CRACD: variants seen among roughly 807,000 people sequenced by gnomAD.
CRACD encodes the protein capping protein-inhibiting regulator of actin dynamics.
Under a neutral mutation model 106.8 loss-of-function variants are expected in CRACD, and 56 were observed. The observed-to-expected ratio is 0.52, with a 90% CI of 0.42 to 0.66. The LOEUF is 0.66. Ranked by LOEUF, CRACD falls within the 30% of genes least tolerant of loss-of-function variation. CRACD has a pLI of 0.00. For missense variants in CRACD, 1,730 were observed against 1,623.2 expected, an observed-to-expected ratio of 1.07 and a Z score of -1.13; for synonymous variants, 754 against 670.8, an observed-to-expected ratio of 1.12 and a Z score of -1.92.
chr4:56,082,561 T>G (rs1560445722), intron 1 of CRACD, among the ~76,000 whole-genome samples: 2 of 152,118 alleles, frequency 1.3e-5, no homozygotes, highest in Non-Finnish European at 2.9e-5. Context: ...GTGTATGTTT[T>G]GGGTTGATAG....
intron 2 of CRACD, among the ~76,000 whole-genome samples, chr4:56,211,174 G>A (rs1738384004): frequency 6.6e-6 from 1 of 152,158 alleles, no homozygotes; most frequent in African/African-American, 2.4e-5. Context: ...CATTTCTAAA[G>A]CAATTACTGC....
chr4:56,148,714 T>C (rs143573464), intron 1 of CRACD, among the ~76,000 whole-genome samples: 1 of 152,366 alleles, frequency 6.6e-6, no homozygotes, highest in Non-Finnish European at 1.5e-5. Context: ...ATTGTTTCTT[T>C]ATTGTTCAGT....
chr4:56,077,765 C>G (rs1354429752), intron 1 of CRACD, among the ~76,000 whole-genome samples: 1 of 152,176 alleles, frequency 6.6e-6, no homozygotes, highest in Non-Finnish European at 1.5e-5. Flanking sequence ...GGTTTTTACT[C>G]TAATGGGGTG....
At chr4:56,121,650 A>G (rs1426366026) in intron 1 of CRACD, among the ~76,000 whole-genome samples, 2 of 152,168 alleles carry the variant, frequency 1.3e-5, no homozygotes, top group Non-Finnish European at 2.9e-5. Flanking sequence ...TCTTGAAAAA[A>G]AAAGGAATAT....
At chr4:56,296,638 G>T (rs905704225) in intron 3 of CRACD, among the ~76,000 whole-genome samples, 2 of 152,158 alleles carry the variant, frequency 1.3e-5, no homozygotes, top group African/African-American at 4.8e-5. Context: ...TCATGCACTT[G>T]GTCACTGAGA....
chr4:56,307,522 T>C lies in CRACD; in HGVS notation c.121-13T>C, dbSNP rs550945713. On this transcript the variant is annotated splice_polypyrimidine_tract_variant and intron_variant, in intron 4 of 10. Transcript: ENST00000682029. Reference sequence around the variant, plus strand: ...TCACTGCTTCAGAATGTCTTTCTTCTGTTTCTCTCCAGCAACAGTTGGGCA... The same window carrying C: ...TCACTGCTTCAGAATGTCTTTCTTCCGTTTCTCTCCAGCAACAGTTGGGCA... 454 of 1,613,834 alleles carry C rather than the reference T, an allele frequency of 2.8e-4. 3 individuals carry two copies. The South Asian group carries it at 4.7e-3, about 17-fold the overall frequency.
chr4:56,078,536 A>G (rs2109805695), intron 1 of CRACD, among the ~76,000 whole-genome samples: 1 of 152,166 alleles, frequency 6.6e-6, no homozygotes, highest in East Asian at 1.9e-4. Context: ...CCTCCTGAAT[A>G]GATGGCACTA....
chr4:56,155,973 G>GT (rs993652046), intron 1 of CRACD, among the ~76,000 whole-genome samples: 31 of 151,830 alleles, frequency 2.0e-4, no homozygotes, highest in Non-Finnish European at 3.8e-4. Context: ...TATTTATTGA[G>GT]TTTTTTTTGA....
intron 1 of CRACD, among the ~76,000 whole-genome samples, chr4:56,135,151 C>A (rs1037295575): frequency 6.6e-6 from 1 of 151,998 alleles, no homozygotes. Context: ...CCAGGCCTGG[C>A]GGTATGCGCC....
chr4:56,124,827 GA>G (rs2109858247), intron 1 of CRACD, among the ~76,000 whole-genome samples: 1 of 152,276 alleles, frequency 6.6e-6, no homozygotes, highest in South Asian at 2.1e-4. Context: ...TCTAGGAGGG[GA>G]TAGTAGAACA....
rs572965563 is a variant in CRACD, at chr4:56,248,586, T to A, written c.-188-23735T>A. On this transcript the variant is annotated intron_variant, in intron 2 of 10. Coordinates refer to ENST00000682029, the MANE Select transcript of CRACD (RefSeq NM_001393381.1). The stretch of plus-strand genomic sequence containing the variant: ...TAACCTTACCTATGTGTTTTTTTTT[T>A]AATTATACTTTAAGTTTTAGGGTAC... Among the ~76,000 whole-genome samples, 138 of 151,548 alleles carry A rather than the reference T, an allele frequency of 9.1e-4. 1 individual carries two copies. Among genetic ancestry groups the A allele is most frequent in the Middle Eastern group, 3.4e-3 (1 of 294 alleles).
chr4:56,216,570 G>A (rs1014199433), intron 2 of CRACD, among the ~76,000 whole-genome samples: 24 of 151,566 alleles, frequency 1.6e-4, no homozygotes, highest in African/African-American at 5.8e-4. Context: ...TCTCTGTGGG[G>A]TGTGTGTGTG....
chr4:56,232,851 A>G (rs1407276251), intron 2 of CRACD, among the ~76,000 whole-genome samples: 1 of 151,770 alleles, frequency 6.6e-6, no homozygotes, highest in Non-Finnish European at 1.5e-5. Flanking sequence ...CAGCCTCCCA[A>G]GTAGTTGGGA....
rs1324610876 is a variant in CRACD, at chr4:56,265,401, GGGGTGTGT to G, written c.-188-6918_-188-6911del. Among the ~76,000 whole-genome samples the G allele has an allele frequency of 3.0e-3, 344 of 116,086 alleles. 2 individuals are homozygous for G. Among genetic ancestry groups the G allele is most frequent in the African/African-American group, 9.1e-3 (303 of 33,308 alleles). The allele number at this position is 116,086 out of a possible 152,430, so 76.2% of individuals were successfully genotyped here. On this transcript the variant is annotated intron_variant, in intron 2 of 10. Transcript: ENST00000682029. ...GCAGTGTACTCAGGGGTATAGAGGA[GGGGTGTGT>G]GTGTGTGTGTGTGTGTGTGTGTGTG... is the stretch of plus-strand genomic sequence containing the variant.
At chr4:56,294,486 A>G (rs1030553526) in intron 3 of CRACD, among the ~76,000 whole-genome samples, 1 of 152,248 alleles carries the variant, frequency 6.6e-6, no homozygotes, top group Non-Finnish European at 1.5e-5. Context: ...AAGATGATAT[A>G]AATACATGAG....
intron 1 of CRACD, among the ~76,000 whole-genome samples, chr4:56,067,867 C>T (rs73162699): frequency 0.2 from 30,912 of 152,150 alleles, 3,269 homozygotes; most frequent in African/African-American, 0.23. Flanking sequence ...TGAGCCACCG[C>T]GCCTGGCTGT....
At chr4:56,208,500 G>A (rs1738239510) in intron 2 of CRACD, among the ~76,000 whole-genome samples, 1 of 152,150 alleles carries the variant, frequency 6.6e-6, no homozygotes, top group Non-Finnish European at 1.5e-5. Context: ...GTAGCAGAAG[G>A]TACAGGAGAA....
chr4:56,293,162 T>C (rs1363083235), intron 3 of CRACD, among the ~76,000 whole-genome samples: 3 of 152,136 alleles, frequency 2.0e-5, no homozygotes, highest in East Asian at 1.9e-4. Context: ...CTGAATCATA[T>C]TGAGTAAAAA....
chr4:56,116,617 T>A (rs115861435), intron 1 of CRACD, among the ~76,000 whole-genome samples: 5,212 of 152,348 alleles, frequency 0.034, 100 homozygotes, highest in Admixed American at 0.062. Flanking sequence ...TAAAGCCTCC[T>A]TATTGTAAGT....
Sources: gnomAD v4.1 joint callset for allele counts (sites outside exome capture counted in the v4.1 genomes callset) on GRCh38, gnomAD v4.1.1 for gene constraint, MANE v1.5 for transcripts, NCBI Gene and HGNC (gene_info 2026-07-23, HGNC 2026-07-21) for gene names.